The following CACNB2 variants were observed in gnomAD, a reference collection of about 807,000 sequenced individuals.
The protein encoded by CACNB2 is voltage-dependent L-type calcium channel subunit beta-2.
A neutral mutation model predicts 73.3 loss-of-function variants in CACNB2; 42 were observed. The ratio of observed to expected loss-of-function variants is 0.57; its 90% CI spans 0.45 to 0.74. The LOEUF (loss-of-function observed/expected upper bound fraction) is 0.74, where lower values mean the gene tolerates loss of function less well. Among genes scored for constraint, CACNB2 ranks in the 30% least tolerant of loss-of-function variants. The probability of loss-of-function intolerance (pLI) is 0.00; values close to 1 mark genes in which losing one functional copy is unlikely to be tolerated. For synonymous variants in CACNB2, 348 were observed against 310.3 expected (o/e 1.12, Z -1.28); for missense variants, 940 against 853.0 (o/e 1.10, Z -1.27).
intron 2 of CACNB2, among the ~76,000 whole-genome samples, chr10:18,228,451 A>AAAAAAG (rs1554773839): frequency 3.6e-4 from 34 of 95,522 alleles, no homozygotes; most frequent in African/African-American, 1.1e-3. Context: ...AAAAAAAAAG[A>AAAAAAG]AAAAAAAAAA....
At chr10:18,369,246 CT>C (rs1190163803) in intron 2 of CACNB2, among the ~76,000 whole-genome samples, 1 of 152,124 alleles carries the variant, frequency 6.6e-6, no homozygotes, top group Non-Finnish European at 1.5e-5. Context: ...TTAAAAATTA[CT>C]TTTTCATTTC....
intron 2 of CACNB2, among the ~76,000 whole-genome samples, chr10:18,312,284 T>G (rs966904520): frequency 3.3e-5 from 5 of 152,218 alleles, no homozygotes; most frequent in Non-Finnish European, 5.9e-5. Flanking sequence ...CTGATCTGTT[T>G]CTATTGAGCC....
chr10:18,305,510 G>T (rs936899442), intron 2 of CACNB2, among the ~76,000 whole-genome samples: 1 of 152,144 alleles, frequency 6.6e-6, no homozygotes, highest in African/African-American at 2.4e-5. Flanking sequence ...TGCAATGAAC[G>T]TATCTTTTGA....
chr10:18,144,790 T>C (rs566829526), intron 1 of CACNB2, among the ~76,000 whole-genome samples: 1 of 152,360 alleles, frequency 6.6e-6, no homozygotes, highest in Admixed American at 6.5e-5. Context: ...ATTGTTACAA[T>C]TAATTTCACC....
intron 4 of CACNB2, among the ~76,000 whole-genome samples, chr10:18,499,345 C>T (rs560308076): frequency 1.1e-3 from 167 of 152,224 alleles, no homozygotes; most frequent in Middle Eastern, 6.8e-3. Context: ...GGGCTGGGCC[C>T]GGTGGCTCAT....
At chr10:18,202,568 C>A (rs1225232861) in intron 2 of CACNB2, among the ~76,000 whole-genome samples, 1 of 152,122 alleles carries the variant, frequency 6.6e-6, no homozygotes, top group Non-Finnish European at 1.5e-5. Flanking sequence ...AATACACAAT[C>A]TATAAGGGCT....
chr10:18,501,648 A>C (rs1208233630), intron 5 of CACNB2, among the ~76,000 whole-genome samples: 1 of 152,228 alleles, frequency 6.6e-6, no homozygotes, highest in Non-Finnish European at 1.5e-5. Context: ...GCCTCTCCCA[A>C]TGTGAAAGGA....
At chr10:18,338,848 C>T (rs916400968) in intron 2 of CACNB2, among the ~76,000 whole-genome samples, 1 of 150,710 alleles carries the variant, frequency 6.6e-6, no homozygotes, top group African/African-American at 2.4e-5. Context: ...AAATGATCCT[C>T]CCAACTCAGC....
chr10:18,409,207 G>A (rs147212789), intron 3 of CACNB2, among the ~76,000 whole-genome samples: 6,527 of 151,818 alleles, frequency 0.043, 496 homozygotes, highest in African/African-American at 0.15. Context: ...GCTGAAGCAG[G>A]AGAATCACTT....
At chr10:18,225,578 CTCCTTCCT>C (rs56364247) in intron 2 of CACNB2, among the ~76,000 whole-genome samples, 21,382 of 137,058 alleles carry the variant, frequency 0.16, 1,847 homozygotes, top group Admixed American at 0.23. Context: ...CCCTCCCTCG[CTCCTTCCT>C]TCCTTCCTTC....
chr10:18,230,173 A>T (rs1217918519), intron 2 of CACNB2, among the ~76,000 whole-genome samples: 1 of 152,194 alleles, frequency 6.6e-6, no homozygotes, highest in Admixed American at 6.6e-5. Context: ...TGAGGGAGAC[A>T]GAGAGAGCAT....
chr10:18,176,860 C>T (rs911400131), intron 2 of CACNB2, among the ~76,000 whole-genome samples: 2 of 151,602 alleles, frequency 1.3e-5, no homozygotes, highest in Non-Finnish European at 2.9e-5. Context: ...TTCGGTGTTT[C>T]AGGGGACATT....
intron 2 of CACNB2, among the ~76,000 whole-genome samples, chr10:18,263,108 C>G (rs2037630466): frequency 6.6e-6 from 1 of 152,224 alleles, no homozygotes. Flanking sequence ...AGCCTTACCT[C>G]TAACCCACCT....
chr10:18,502,689 CAAAAAAAAAAAAAAAA>C (rs71200974), intron 5 of CACNB2, among the ~76,000 whole-genome samples: 15 of 73,258 alleles, frequency 2.0e-4, no homozygotes, highest in Non-Finnish European at 2.6e-4. Flanking sequence ...GACTCCATCT[CAAAAAAAAAAAAAAAA>C]AAAAAAAAAA....
intron 2 of CACNB2, among the ~76,000 whole-genome samples, chr10:18,175,682 C>G (rs1216110581): frequency 6.6e-6 from 1 of 152,220 alleles, no homozygotes; most frequent in African/African-American, 2.4e-5. Context: ...ACTGTAACCT[C>G]TGTTTCCCAG....
chr10:18,166,982 C>A (rs536735437), intron 2 of CACNB2, among the ~76,000 whole-genome samples: 2 of 152,200 alleles, frequency 1.3e-5, no homozygotes, highest in Non-Finnish European at 2.9e-5. Flanking sequence ...CAAGTCTTCC[C>A]GTTTCCTCTC....
At chr10:18,463,338 A>G (rs2132691682) in intron 3 of CACNB2, among the ~76,000 whole-genome samples, 1 of 151,892 alleles carries the variant, frequency 6.6e-6, no homozygotes, top group East Asian at 1.9e-4. Flanking sequence ...AGCCTGGACA[A>G]TATAGCAAGA....
intron 1 of CACNB2, among the ~76,000 whole-genome samples, chr10:18,141,960 T>C (rs1246380954): frequency 6.6e-6 from 1 of 152,236 alleles, no homozygotes; most frequent in African/African-American, 2.4e-5. Flanking sequence ...TATATACTTA[T>C]ATATTAATAC....
At chr10:18,355,492 C>T (rs1281392603) in intron 2 of CACNB2, among the ~76,000 whole-genome samples, 1 of 152,004 alleles carries the variant, frequency 6.6e-6, no homozygotes, top group African/African-American at 2.4e-5. Flanking sequence ...GATTACGACA[C>T]TTGAATAAAT....
Sources: gnomAD v4.1 joint callset for allele counts (sites outside exome capture counted in the v4.1 genomes callset) on GRCh38, gnomAD v4.1.1 for gene constraint, MANE v1.5 for transcripts, NCBI Gene and HGNC (gene_info 2026-07-23, HGNC 2026-07-21) for gene names.